Variants in AKAP8 observed in about 807,000 individuals in gnomAD.
AKAP8 encodes the protein A-kinase anchor protein 8.
Under a neutral mutation model 67.5 loss-of-function variants are expected in AKAP8, and 24 were observed. The observed-to-expected ratio is 0.36, with a 90% CI of 0.26 to 0.50. AKAP8 has a LOEUF of 0.50. AKAP8 is among the 20% of genes least tolerant of loss of function. The pLI, the probability that AKAP8 is intolerant of heterozygous loss-of-function variation, is 0.97. For synonymous variants in AKAP8, 400 were observed against 371.1 expected (o/e 1.08, Z -0.90); for missense variants, 971 against 955.9 (o/e 1.02, Z -0.21).
At chr19:15,358,491 C>T (rs571156953) in intron 13 of AKAP8, among the ~76,000 whole-genome samples, 1 of 152,088 alleles carries the variant, frequency 6.6e-6, no homozygotes, top group Admixed American at 6.6e-5. Flanking sequence ...GCATTACAGG[C>T]ATGAGCCATA....
chr19:15,365,324 C>T (rs1191453163), intron 9 of AKAP8, among the ~76,000 whole-genome samples: 1 of 152,244 alleles, frequency 6.6e-6, no homozygotes, highest in Non-Finnish European at 1.5e-5. Context: ...CATGTCACAT[C>T]AAATTCTACA....
Position 15,373,015 on chromosome 19 carries a change from G to A in AKAP8, c.697C>T (p.Arg233Trp), listed in dbSNP as rs748716805. The A allele has an allele frequency of 1.8e-5, 28 of 1,576,294 alleles. No homozygotes were observed. Among genetic ancestry groups the A allele is most frequent in the Non-Finnish European group, 2.1e-5 (24 of 1,158,310 alleles). Residue 233 changes from arginine (R) to tryptophan (W), a missense_variant, in exon 5 of 14, where the codon CGG becomes TGG. Around this residue, in one of 3 missense-constraint regions of AKAP8, gnomAD observed 763 missense variants for 745.4 expected, o/e 1.02. Transcript: ENST00000269701. Reference protein sequence around the residue: ...PWNELNYVGGRGLGGPSPSRP... With the variant: ...PWNELNYVGGWGLGGPSPSRP... ...CTGGGGGAGGGCCCTCCCAGGCCCC[G>A]TCCACCCACGTAGTTCAGCTCGTTC...
chr19:15,373,790 C>G lies in AKAP8; in HGVS notation c.367G>C (p.Glu123Gln). Reference protein sequence around the residue: ...GGGGEGIQDRESSFRFQPFES... With the variant: ...GGGGEGIQDRQSSFRFQPFES... ...AGGGCTTGGGTCCATAATCACCTCTCCCGGTCCTGTATGCCCTCCCCACCG... is the reference window on the plus strand; with the variant it reads ...AGGGCTTGGGTCCATAATCACCTCTGCCGGTCCTGTATGCCCTCCCCACCG... The change falls in exon 4 of 14, where the codon GAG (glutamate) becomes CAG (glutamine). Residue 123 changes from glutamate (E) to glutamine (Q), a missense_variant. Glu to Gln is a conservative substitution (Grantham distance 29, BLOSUM62 2). Coordinates refer to ENST00000269701, the MANE Select transcript of AKAP8 (RefSeq NM_005858.4). 1 of 1,607,770 alleles carries G rather than the reference C, an allele frequency of 6.2e-7. No homozygotes were observed. Among genetic ancestry groups the G allele is most frequent in the Non-Finnish European group, 8.5e-7 (1 of 1,179,438 alleles).
Position 15,361,832 on chromosome 19 carries a change from A to T in AKAP8, c.1303-10T>A. On this transcript the variant is annotated splice_polypyrimidine_tract_variant and intron_variant, in intron 10 of 13. Transcript: ENST00000269701. ...TGTTTACAATGTATTCCTAGGTGGG[A>T]TTGGAGAGGGCATAAAGTAAAATGA... 3 of 1,608,862 alleles carry T rather than the reference A, an allele frequency of 1.9e-6. No homozygotes were observed. Among genetic ancestry groups the T allele is most frequent in the Non-Finnish European group, 2.6e-6 (3 of 1,175,354 alleles).
Position 15,371,949 on chromosome 19 carries a change from T to G in AKAP8, c.1038+3A>C. 6.2e-7 allele frequency: 1 copy of G among 1,614,016 alleles called. No individual in the cohort carries two copies. Among genetic ancestry groups the G allele is most frequent in the Non-Finnish European group, 8.5e-7 (1 of 1,179,986 alleles). The stretch of plus-strand genomic sequence containing the variant: ...AGGCAAAAGGGCTGCCTGGTGGACT[T>G]ACACCCTTGAATTCTTCATCTCCTG... On this transcript the variant is annotated splice_donor_region_variant and intron_variant, in intron 7 of 13. Coordinates refer to ENST00000269701, the MANE Select transcript of AKAP8 (RefSeq NM_005858.4).
At chr19:15,374,731 C>T (rs886896557) in intron 2 of AKAP8, 96 bp from the exon 3 acceptor site, 3 of 1,434,216 alleles carry the variant, frequency 2.1e-6, no homozygotes, top group East Asian at 2.3e-5. Flanking sequence ...AGCCCCAGGG[C>T]CAGGGCTTCC....
At chr19:15,374,582 C>G (rs777634700) in intron 3 of AKAP8, 21 bp downstream of exon 3, 13 of 1,612,020 alleles carry the variant, frequency 8.1e-6, no homozygotes, top group African/African-American at 8.0e-5. Context: ...GCCCACAGAC[C>G]CCCCCCACAG....
chr19:15,373,719 C>G, intron 4 of AKAP8, 67 bp downstream of exon 4: 1 of 1,516,218 alleles, frequency 6.6e-7, no homozygotes, highest in South Asian at 1.3e-5. Flanking sequence ...AGAGTGGGTG[C>G]CCACTCCCAT....
At chr19:15,356,782 G>A (rs981470147) in intron 13 of AKAP8, among the ~76,000 whole-genome samples, 1 of 152,154 alleles carries the variant, frequency 6.6e-6, no homozygotes, top group African/African-American at 2.4e-5. Context: ...CAAGGCGGGA[G>A]GATCACTTGA....
Position 15,354,792 on chromosome 19 carries a change from CTT to C in AKAP8, c.*121_*122del. 8.2e-7 allele frequency: 1 copy of C among 1,213,782 alleles called. No homozygotes were observed. The highest frequency in any genetic ancestry group is 1.1e-6 in the Non-Finnish European group (1 of 871,934). The allele number at this position is 1,213,782 out of a possible 1,614,324, so 75.2% of individuals were successfully genotyped here. On this transcript the variant is annotated 3_prime_UTR_variant, in exon 14 of 14. Transcript: ENST00000269701. The stretch of plus-strand genomic sequence containing the variant: ...CTGCTCAGGAGGAAACGCTGGGTCT[CTT>C]CACCAAAATTAGATTACAGCATATT...
In AKAP8 at chr19:15,355,117, T is replaced by C; in HGVS notation, c.1877A>G (p.Glu626Gly). 1 of 1,613,828 alleles carries C rather than the reference T, an allele frequency of 6.2e-7. No individual in the cohort carries two copies. The highest frequency in any genetic ancestry group is 8.5e-7 in the Non-Finnish European group (1 of 1,180,042). Residue 626 changes from glutamate (E) to glycine (G), a missense_variant, in exon 14 of 14, where the codon GAA (glutamate) becomes GGA (glycine). Coordinates refer to ENST00000269701, the MANE Select transcript of AKAP8 (RefSeq NM_005858.4). Reference protein sequence around the residue: ...GSDPQAEQLLEEQVPCGTAHE... With the variant: ...GSDPQAEQLLGEQVPCGTAHE... ...TGCCGTTCCACAGGGCACCTGCTCT[T>C]CCAGCAGCTGTTCGGCTTGAGGATC...
rs140271912 is a variant in AKAP8, at chr19:15,373,793, G to A, written c.364C>T (p.Arg122Trp). Residue 122 changes from arginine (R) to tryptophan (W), a missense_variant, in exon 4 of 14, where the codon CGG becomes TGG. Physicochemically the swap from Arg to Trp is moderately radical, Grantham distance 101. Around this residue, in one of 3 missense-constraint regions of AKAP8, gnomAD observed 763 missense variants for 745.4 expected, o/e 1.02. Transcript: ENST00000269701. ...SGGGGEGIQD[R>W]ESSFRFQPFE... ...GCTTGGGTCCATAATCACCTCTCCC[G>A]GTCCTGTATGCCCTCCCCACCGCCG... 1.4e-5 allele frequency: 23 copies of A among 1,608,248 alleles called. No homozygotes were observed. Among genetic ancestry groups the A allele is most frequent in the African/African-American group, 6.7e-5 (5 of 74,800 alleles).
intron 9 of AKAP8, among the ~76,000 whole-genome samples, chr19:15,366,974 C>G (rs1967081312): frequency 6.6e-6 from 1 of 152,112 alleles, no homozygotes; most frequent in Non-Finnish European, 1.5e-5. Flanking sequence ...GTGGTGCAAC[C>G]TTGGCTCACT....
rs142397044 is a variant in AKAP8 at position 15,367,032 on chromosome 19, C to T, written c.1160+1203G>A. The stretch of plus-strand genomic sequence containing the variant: ...AAGTGATTCTCCTGCCTCAGCCTCC[C>T]GAGTAGCTGAGATTACAGGCACCTG... On this transcript the variant is annotated intron_variant, in intron 9 of 13. Transcript: ENST00000269701. Among the ~76,000 whole-genome samples, 1,027 of 152,256 alleles carry T rather than the reference C, an allele frequency of 6.7e-3. 9 individuals carry two copies. Among genetic ancestry groups the T allele is most frequent in the Non-Finnish European group, 9.0e-3 (615 of 68,018 alleles).
At chr19:15,359,388 GT>G (rs1195110278) in intron 12 of AKAP8, among the ~76,000 whole-genome samples, 1 of 152,224 alleles carries the variant, frequency 6.6e-6, no homozygotes, top group Non-Finnish European at 1.5e-5. Flanking sequence ...TTTCTTTTCA[GT>G]TTTTGGGGTT....
At chr19:15,374,106 C>G in intron 3 of AKAP8, 41 bp from the exon 4 acceptor site, 3 of 1,522,998 alleles carry the variant, frequency 2.0e-6, no homozygotes, top group Non-Finnish European at 2.6e-6. Flanking sequence ...TCAGCAGCCA[C>G]GAGGCCTGTC....
Position 15,354,990 on chromosome 19 carries a change from A to G in AKAP8, c.2004T>C (p.Ala668=). 6.2e-7 allele frequency: 1 copy of G among 1,614,188 alleles called. No individual in the cohort carries two copies. Among genetic ancestry groups the G allele is most frequent in the Non-Finnish European group, 8.5e-7 (1 of 1,180,046 alleles). The part of the protein sequence containing the change: ...AEAESAQTRV[A]PAPAAADAEV... ...CAGCATCCGCGGCAGCTGGGGCAGG[A>G]GCAACTCTGGTTTGGGCACTTTCTG... The change falls in exon 14 of 14, where the codon GCT becomes GCC. Residue 668 remains alanine, a synonymous_variant. Coordinates refer to ENST00000269701, the MANE Select transcript of AKAP8 (RefSeq NM_005858.4).
intron 11 of AKAP8, 87 bp from the exon 12 acceptor site, chr19:15,361,065 G>A: frequency 1.3e-6 from 2 of 1,507,246 alleles, no homozygotes; most frequent in South Asian, 1.3e-5. Flanking sequence ...TTTTCTCCCT[G>A]CAACTCTAAG....
At chr19:15,357,428 CAAAAAAAAA>C (rs59205660) in intron 13 of AKAP8, among the ~76,000 whole-genome samples, 7 of 40,704 alleles carry the variant, frequency 1.7e-4, no homozygotes, top group East Asian at 1.1e-3. Flanking sequence ...GACTCCATCT[CAAAAAAAAA>C]AAAAAAAAAA....
Sources: gnomAD v4.1 joint callset for allele counts (sites outside exome capture counted in the v4.1 genomes callset) on GRCh38, gnomAD v4.1.1 for gene constraint, gnomAD v4.1.1 regional missense constraint, MANE v1.5 for transcripts, NCBI Gene and HGNC (gene_info 2026-07-23, HGNC 2026-07-21) for gene names.